The following PXK variants were observed in gnomAD, a reference collection of about 807,000 sequenced individuals.
The protein encoded by PXK is PX domain containing serine/threonine kinase like.
In PXK, 35 loss-of-function variants were observed where a neutral mutation model predicts 84.7. The observed-to-expected ratio is 0.41, with a 90% CI of 0.32 to 0.55. PXK has a LOEUF of 0.55. Ranked by LOEUF, PXK falls within the 20% of genes least tolerant of loss-of-function variation. The pLI, the probability that PXK is intolerant of heterozygous loss-of-function variation, is 0.21. For synonymous variants in PXK, 253 were observed against 260.8 expected (o/e 0.97, Z 0.29); for missense variants, 634 against 699.7 (o/e 0.91, Z 1.06).
In PXK at chr3:58,397,607, A is replaced by T. The variant is rs199789316; in HGVS notation, c.987A>T (p.Thr329=). ...CGCTGCTACTCTTTCTTCCACAGAC[A>T]TTGGAAAGTGTGGATGTCCACTGCT... is the stretch of plus-strand genomic sequence containing the variant. The part of the protein sequence containing the change: ...SYFSQFRKIN[T]LESVDVHCFG... Residue 329 remains threonine, a splice_region_variant and synonymous_variant, in exon 11 of 18, where the codon ACA becomes ACT. Transcript: ENST00000356151. The surrounding 1 kb of genome is among the most constrained non-coding windows in gnomAD (Gnocchi z 4.7). 1 of 1,611,132 alleles carries T rather than the reference A, an allele frequency of 6.2e-7. No individual in the cohort carries two copies. Among genetic ancestry groups the T allele is most frequent in the Admixed American group, 1.7e-5 (1 of 60,006 alleles).
intron 2 of PXK, among the ~76,000 whole-genome samples, chr3:58,367,267 C>T (rs142310650): frequency 0.014 from 2,160 of 149,520 alleles, 62 homozygotes; most frequent in African/African-American, 0.05. Context: ...TTTTTTGAGA[C>T]GGAGTCTTGC....
At position 58,408,939 on chromosome 3, in the gene PXK, A is replaced by G; in HGVS notation, c.1246A>G (p.Lys416Glu). 1 of 1,583,780 alleles carries G rather than the reference A, an allele frequency of 6.3e-7. No individual in the cohort carries two copies. Among genetic ancestry groups the G allele is most frequent in the Non-Finnish European group, 8.7e-7 (1 of 1,152,562 alleles). The change falls in exon 14 of 18, where the codon AAA becomes GAA. Residue 416 changes from lysine (K) to glutamate (E), a missense_variant. Lys to Glu is a moderately conservative substitution (Grantham distance 56, BLOSUM62 1). Coordinates refer to ENST00000356151, the MANE Select transcript of PXK (RefSeq NM_017771.5). ...KPQFKIPTKL[K>E]EALRIAKECI... ...CTCCTTTCAGATCCCTACAAAGTTAAAAGAGGCATTGAGAATTGCCAAAGA... is the reference window on the plus strand; with the variant it reads ...CTCCTTTCAGATCCCTACAAAGTTAGAAGAGGCATTGAGAATTGCCAAAGA...
In PXK at chr3:58,409,513, A is replaced by G. The variant is rs1023907431; in HGVS notation, c.1309-19A>G. 3.7e-6 allele frequency: 6 copies of G among 1,607,420 alleles called. No homozygotes were observed. In the African/African-American group the frequency reaches 5.4e-5, roughly 14 times the overall value. ...GCTGCCTTATGTGGGATATGCTTAC[A>G]TCTTATGGTCTTTTAAAGATTCACC... On this transcript the variant is annotated intron_variant, in intron 14 of 17. Transcript: ENST00000356151. The surrounding 1 kb of genome is among the most constrained non-coding windows in gnomAD (Gnocchi z 4.2).
rs998295637 is a variant in PXK at position 58,425,935 on chromosome 3, T to C, written c.*975T>C. On this transcript the variant is annotated 3_prime_UTR_variant, in exon 18 of 18. Coordinates refer to ENST00000356151, the MANE Select transcript of PXK (RefSeq NM_017771.5). ...AAAAATTCAAGTACACACATCAGTGTTGGTTACTATGCAGAGAATGTCATT... is the reference window on the plus strand; with the variant it reads ...AAAAATTCAAGTACACACATCAGTGCTGGTTACTATGCAGAGAATGTCATT... 5 of 152,240 alleles carry C rather than the reference T, an allele frequency of 3.3e-5. No homozygotes were observed. Among genetic ancestry groups the C allele is most frequent in the African/African-American group, 1.2e-4 (5 of 41,468 alleles). The allele number at this position is 152,240 out of a possible 1,614,324, so 9.4% of individuals were successfully genotyped here.
intron 4 of PXK, among the ~76,000 whole-genome samples, chr3:58,388,811 T>G (rs1352634288): frequency 6.6e-6 from 1 of 152,192 alleles, no homozygotes; most frequent in African/African-American, 2.4e-5. Context: ...ATGATATTGT[T>G]TGCCAAGCTC....
intron 1 of PXK, among the ~76,000 whole-genome samples, chr3:58,335,462 T>C (rs1019011320): frequency 3.9e-5 from 6 of 152,216 alleles, no homozygotes; most frequent in African/African-American, 1.4e-4. Flanking sequence ...AGTAAGTCTT[T>C]TTTAAAACAG....
rs1283650327 is a variant in PXK, at chr3:58,383,805, C to T, written c.388+1105C>T. On this transcript the variant is annotated intron_variant, in intron 4 of 17. Transcript: ENST00000356151. The surrounding 1 kb of genome is among the most constrained non-coding windows in gnomAD (Gnocchi z 4.0). ...CTAAGTGGAACTATGGATATTGTTA[C>T]TTTGCTTGCTAAGAGAATACACCAT... 6.6e-6 allele frequency among the ~76,000 whole-genome samples: 1 copy of T among 152,216 alleles called. No individual in the cohort carries two copies. Among genetic ancestry groups the T allele is most frequent in the Non-Finnish European group, 1.5e-5 (1 of 68,032 alleles).
chr3:58,399,346 A>G lies in PXK; in HGVS notation c.1150A>G (p.Met384Val), dbSNP rs1345491526. Residue 384 changes from methionine to valine, a missense_variant, in exon 12 of 18, where the codon ATG becomes GTG. Coordinates refer to ENST00000356151, the MANE Select transcript of PXK (RefSeq NM_017771.5). This position sits in a 1 kb window ranked among gnomAD's most constrained non-coding sequence, Gnocchi z 4.3. The part of the protein sequence containing the change: ...TLSCEACKNG[M>V]PTISRLLQMP... ...GTCTTGTGAAGCCTGTAAAAATGGC[A>G]TGCCTACCATCTCCCGGCTCTTACA... 6.2e-7 allele frequency: 1 copy of G among 1,614,006 alleles called. No individual in the cohort carries two copies. Among genetic ancestry groups the G allele is most frequent in the East Asian group, 2.2e-5 (1 of 44,894 alleles).
At chr3:58,335,018 G>GT (rs2097566704) in intron 1 of PXK, among the ~76,000 whole-genome samples, 1 of 106,504 alleles carries the variant, frequency 9.4e-6, no homozygotes, top group African/African-American at 3.5e-5. Flanking sequence ...TGTCCAGGCT[G>GT]GTGTGTGTGT....
Position 58,425,181 on chromosome 3 carries a change from A to G in PXK, c.*221A>G. 3.2e-6 allele frequency: 2 copies of G among 630,820 alleles called. No individual in the cohort carries two copies. The highest frequency in any genetic ancestry group is 5.2e-6 in the Non-Finnish European group (2 of 384,090). The allele number at this position is 630,820 out of a possible 1,614,324, so 39.1% of individuals were successfully genotyped here. ...CCCTTAAGATCTTGCTCCTTTATTA[A>G]CCCTGTAAAGGAGTCTTGTTTATCC... On this transcript the variant is annotated 3_prime_UTR_variant, in exon 18 of 18. Coordinates refer to ENST00000356151, the MANE Select transcript of PXK (RefSeq NM_017771.5).
At chr3:58,349,968 G>A (rs554972492) in intron 1 of PXK, among the ~76,000 whole-genome samples, 1 of 152,178 alleles carries the variant, frequency 6.6e-6, no homozygotes, top group East Asian at 1.9e-4. Context: ...TGGTTTTTAA[G>A]AGTAACACAC....
intron 17 of PXK, among the ~76,000 whole-genome samples, chr3:58,415,779 C>T (rs2060864799): frequency 6.6e-6 from 1 of 152,210 alleles, no homozygotes; most frequent in South Asian, 2.1e-4. Context: ...AAAATCTGAC[C>T]TTCCAGATGG....
chr3:58,399,307 T>C lies in PXK; in HGVS notation c.1111T>C (p.Leu371=). The change falls in exon 12 of 18, where the codon TTG becomes CTG. Residue 371 remains leucine (L), a synonymous_variant. Transcript: ENST00000356151. The surrounding 1 kb of genome is among the most constrained non-coding windows in gnomAD (Gnocchi z 4.3). ...TATCTGTTCATTTCAAGTGGCCGTG[T>C]TGGAGTCTACGCTGTCTTGTGAAGC... is the stretch of plus-strand genomic sequence containing the variant. ...PAPSMAVVAV[L]ESTLSCEACK... 1 of 1,614,092 alleles carries C rather than the reference T, an allele frequency of 6.2e-7. No homozygotes were observed. Among genetic ancestry groups the C allele is most frequent in the East Asian group, 2.2e-5 (1 of 44,880 alleles).
chr3:58,408,804 G>A, intron 13 of PXK, 120 bp from the exon 14 acceptor site: 1 of 732,558 alleles, frequency 1.4e-6, no homozygotes. Flanking sequence ...TTACAGGCAT[G>A]AGCCACCGCG....
Position 58,333,309 on chromosome 3 carries a change from G to A in PXK, c.102+219G>A, listed in dbSNP as rs2097529082. On this transcript the variant is annotated intron_variant, in intron 1 of 17. Coordinates refer to ENST00000356151, the MANE Select transcript of PXK (RefSeq NM_017771.5). This position sits in a 1 kb window ranked among gnomAD's most constrained non-coding sequence, Gnocchi z 5.4. ...CCCGGAGGGGCCAAGGATGGGGACC[G>A]CAGCTCCCGGCGCCGCGGGGTGGAA... 1 of 304,592 alleles carries A rather than the reference G, an allele frequency of 3.3e-6. No homozygotes were observed. Among genetic ancestry groups the A allele is most frequent in the Non-Finnish European group, 6.5e-6 (1 of 153,926 alleles). 18.9% of individuals were successfully genotyped at this position (304,592 alleles called of 1,614,324 possible). A position where few individuals can be genotyped will look rare whatever the true frequency, so the allele number is the denominator to read the frequency against.
Position 58,412,172 on chromosome 3 carries a change from G to A in PXK, c.1466-729G>A, listed in dbSNP as rs1164060203. ...AGGGGGGTTTCTGTGTCCACAGAAA[G>A]GCTTACGTAGGAACCTCTGCTCATT... On this transcript the variant is annotated intron_variant, in intron 16 of 17. Coordinates refer to ENST00000356151, the MANE Select transcript of PXK (RefSeq NM_017771.5). The surrounding 1 kb of genome is among the most constrained non-coding windows in gnomAD (Gnocchi z 6.2). Among the ~76,000 whole-genome samples, 1 of 152,086 alleles carries A rather than the reference G, an allele frequency of 6.6e-6. No homozygotes were observed. The highest frequency in any genetic ancestry group is 1.5e-5 in the Non-Finnish European group (1 of 68,020).
intron 4 of PXK, among the ~76,000 whole-genome samples, chr3:58,386,800 C>G (rs1220741328): frequency 6.6e-6 from 1 of 152,170 alleles, no homozygotes; most frequent in East Asian, 1.9e-4. Flanking sequence ...GGGCCCACAT[C>G]CTGACCTATA....
At chr3:58,346,061 G>A (rs925559468) in intron 1 of PXK, among the ~76,000 whole-genome samples, 1 of 152,194 alleles carries the variant, frequency 6.6e-6, no homozygotes, top group African/African-American at 2.4e-5. Flanking sequence ...GGCACTTGGG[G>A]TACAGGTCTA....
At position 58,332,936 on chromosome 3, in the gene PXK, C is replaced by CGCCTCGGGTTCCT; in HGVS notation, c.-52_-40dup. On this transcript the variant is annotated 5_prime_UTR_variant, in exon 1 of 18. Coordinates refer to ENST00000356151, the MANE Select transcript of PXK (RefSeq NM_017771.5). The surrounding 1 kb of genome is among the most constrained non-coding windows in gnomAD (Gnocchi z 5.6). Reference sequence around the variant, plus strand: ...GAACCGGGCGGGCGGCGGGAGTCGGCGCCTCGGGTTCCTACCTCGCGTCCC... The same window carrying CGCCTCGGGTTCCT: ...GAACCGGGCGGGCGGCGGGAGTCGGCGCCTCGGGTTCCTGCCTCGGGTTCCTACCTCGCGTCCC... The CGCCTCGGGTTCCT allele has an allele frequency of 2.6e-6, 3 of 1,175,748 alleles. No homozygotes were observed. The highest frequency in any genetic ancestry group is 1.1e-6 in the Non-Finnish European group (1 of 914,554). The allele number at this position is 1,175,748 out of a possible 1,614,324, so 72.8% of individuals were successfully genotyped here.
Sources: gnomAD v4.1 joint callset for allele counts (sites outside exome capture counted in the v4.1 genomes callset) on GRCh38, gnomAD v4.1.1 for gene constraint, Gnocchi (gnomAD v3.1) non-coding constraint, MANE v1.5 for transcripts, NCBI Gene and HGNC (gene_info 2026-07-23, HGNC 2026-07-21) for gene names.